COTL1: variants seen among roughly 807,000 people sequenced by gnomAD.
COTL1 encodes coactosin like F-actin binding protein 1.
COTL1 carries 15 observed loss-of-function variants against 16.5 expected under a neutral mutation model. The observed-to-expected ratio is 0.91, with a 90% CI of 0.61 to 1.40. The LOEUF (loss-of-function observed/expected upper bound fraction) is 1.40, where lower values mean the gene tolerates loss of function less well. Among genes scored for constraint, COTL1 ranks in the 40% most tolerant of loss-of-function variants. The pLI, the probability that COTL1 is intolerant of heterozygous loss-of-function variation, is 0.00. For synonymous variants in COTL1, 112 were observed against 85.3 expected (o/e 1.31, Z -1.73); for missense variants, 220 against 201.5 (o/e 1.09, Z -0.56).
At chr16:84,616,712 C>A (rs1271162559) in intron 2 of COTL1, among the ~76,000 whole-genome samples, 13 of 152,092 alleles carry the variant, frequency 8.5e-5, no homozygotes, top group Non-Finnish European at 1.9e-4. Flanking sequence ...GGGTTTATGG[C>A]GATGCCTGCC....
In COTL1 at chr16:84,590,335, T is replaced by A; in HGVS notation, c.161-73A>T. On this transcript the variant is annotated intron_variant, in intron 2 of 3. Coordinates refer to ENST00000262428, the MANE Select transcript of COTL1 (RefSeq NM_021149.5). This position sits in a 1 kb window ranked among gnomAD's most constrained non-coding sequence, Gnocchi z 5.5. ...CCATGTCATGTCCCTGGGGAGAGGC[T>A]GTGAGCCACGAGTGCGCCTGGAGCA... 18 of 1,557,384 alleles carry A rather than the reference T, an allele frequency of 1.2e-5. No homozygotes were observed. Among genetic ancestry groups the A allele is most frequent in the Non-Finnish European group, 1.6e-5 (18 of 1,144,306 alleles).
chr16:84,589,513 G>C (rs1005113064), intron 3 of COTL1, among the ~76,000 whole-genome samples: 1 of 152,156 alleles, frequency 6.6e-6, no homozygotes, highest in East Asian at 1.9e-4. Context: ...GCGAAATGGA[G>C]ATCCCTTTAG....
chr16:84,590,010 C>T lies in COTL1; in HGVS notation c.318+95G>A, dbSNP rs1349640455. 4.7e-6 allele frequency: 6 copies of T among 1,289,400 alleles called. No homozygotes were observed. The highest frequency in any genetic ancestry group is 6.5e-6 in the Non-Finnish European group (6 of 922,592). 79.9% of individuals were successfully genotyped at this position (1,289,400 alleles called of 1,614,324 possible). A position where few individuals can be genotyped will look rare whatever the true frequency, so the allele number is the denominator to read the frequency against. ...TGGCTTGTCCCAAGTCACAGCTAAG[C>T]TACAGACCCAGGAGTCGAACCCAGC... On this transcript the variant is annotated intron_variant, in intron 3 of 3. Transcript: ENST00000262428. This position sits in a 1 kb window ranked among gnomAD's most constrained non-coding sequence, Gnocchi z 5.5.
chr16:84,566,846 T>C lies in COTL1; in HGVS notation c.428A>G (p.Ter143=), dbSNP rs762307122. The C allele has an allele frequency of 1.9e-6, 3 of 1,605,584 alleles. No individual in the cohort carries two copies. Among genetic ancestry groups the C allele is most frequent in the Non-Finnish European group, 2.6e-6 (3 of 1,174,910 alleles). ...GGGGTGGTGTGGCGGGGGCTGGGGT[T>C]ACTCCGTCTGGGCGTCGTAATTGGC... The part of the protein sequence containing the change: ...GGANYDAQTE[*] Residue 143 remains the stop codon, a stop_retained_variant, in exon 4 of 4, where the codon TAA becomes TGA. Transcript: ENST00000262428.
chr16:84,604,154 T>TGATAC (rs1905161433), intron 2 of COTL1, among the ~76,000 whole-genome samples: 1 of 82,882 alleles, frequency 1.2e-5, no homozygotes, highest in Non-Finnish European at 2.4e-5. Context: ...CCTCACCCCA[T>TGATAC]GGCCCCCACC....
chr16:84,584,853 C>T (rs28670145), intron 3 of COTL1, among the ~76,000 whole-genome samples: 3,479 of 152,288 alleles, frequency 0.023, 146 homozygotes, highest in African/African-American at 0.08. Flanking sequence ...TTACTTTATA[C>T]ATCAGGTGAC....
Position 84,617,519 on chromosome 16 carries a change from A to C in COTL1, c.142T>G (p.Phe48Val). The C allele has an allele frequency of 6.4e-7, 1 of 1,555,186 alleles. No homozygotes were observed. The highest frequency in any genetic ancestry group is 8.7e-7 in the Non-Finnish European group (1 of 1,148,992). ...PGEQGAEYQHFIQQCTDDVRL... is the reference protein window; with the variant it reads ...PGEQGAEYQHVIQQCTDDVRL... ...TCCCTACCTGTGCACTGCTGGATGA[A>C]GTGCTGGTACTCCGCTCCCTGCTCG... is the stretch of plus-strand genomic sequence containing the variant. Residue 48 changes from phenylalanine (F) to valine (V), a missense_variant, in exon 2 of 4, where the codon TTC (phenylalanine) becomes GTC (valine). Phe to Val is a conservative substitution (Grantham distance 50). Coordinates refer to ENST00000262428, the MANE Select transcript of COTL1 (RefSeq NM_021149.5).
chr16:84,617,064 G>T (rs929814262), intron 2 of COTL1, among the ~76,000 whole-genome samples: 2 of 152,220 alleles, frequency 1.3e-5, no homozygotes, highest in Admixed American at 6.5e-5. Context: ...CAGCACACGG[G>T]CAGACAATGA....
At chr16:84,598,846 G>C (rs974979404) in intron 2 of COTL1, among the ~76,000 whole-genome samples, 2 of 147,008 alleles carry the variant, frequency 1.4e-5, no homozygotes, top group African/African-American at 5.0e-5. Flanking sequence ...AGCAGGGGGG[G>C]TCCAAGCGGG....
intron 3 of COTL1, among the ~76,000 whole-genome samples, chr16:84,586,751 C>CT (rs1486810415): frequency 1.3e-5 from 2 of 151,812 alleles, no homozygotes; most frequent in Non-Finnish European, 2.9e-5. Flanking sequence ...TGCCTGGCTA[C>CT]TTTTTTGGTA....
rs768019411 is a variant in COTL1 at position 84,617,886 on chromosome 16, C to G, written c.29G>C (p.Cys10Ser). Residue 10 changes from cysteine to serine, a missense_variant, in exon 1 of 4, where the codon TGC (cysteine) becomes TCC (serine). Transcript: ENST00000262428. The part of the protein sequence containing the change: MATKIDKEA[C>S]RAAYNLVRDD... ...GCGCACCAGGTTGTACGCCGCCCGG[C>G]AAGCCTCTTTGTCGATCTTGGTGGC... 6 of 1,569,136 alleles carry G rather than the reference C, an allele frequency of 3.8e-6. No homozygotes were observed. The highest frequency in any genetic ancestry group is 5.2e-6 in the Non-Finnish European group (6 of 1,158,292).
At chr16:84,617,801 G>A (rs1344699917) in intron 1 of COTL1, 37 bp downstream of exon 1, 1 of 1,544,170 alleles carries the variant, frequency 6.5e-7, no homozygotes, top group Non-Finnish European at 8.8e-7. Context: ...GCGCGAGCCC[G>A]GGGAGCGGGG....
At chr16:84,578,404 T>G (rs1175982735) in intron 3 of COTL1, among the ~76,000 whole-genome samples, 1 of 152,228 alleles carries the variant, frequency 6.6e-6, no homozygotes, top group African/African-American at 2.4e-5. Flanking sequence ...ACGTAACACT[T>G]CATATACGCC....
At position 84,566,794 on chromosome 16, in the gene COTL1, C is replaced by T. The variant is rs376446340; in HGVS notation, c.*51G>A. The stretch of plus-strand genomic sequence containing the variant: ...AGCTGAGGCCGGCGGTCCTCTCCCC[C>T]GGGGAGCAGGCAGATGACTTTGGCA... On this transcript the variant is annotated 3_prime_UTR_variant, in exon 4 of 4. Transcript: ENST00000262428. The T allele has an allele frequency of 3.7e-4, 488 of 1,326,082 alleles. 2 individuals carry two copies. The Middle Eastern group carries it at 5.2e-3, about 14-fold the overall frequency. The allele number at this position is 1,326,082 out of a possible 1,614,324, so 82.1% of individuals were successfully genotyped here.
chr16:84,578,808 C>T (rs994076374), intron 3 of COTL1, among the ~76,000 whole-genome samples: 5 of 151,724 alleles, frequency 3.3e-5, no homozygotes, highest in Non-Finnish European at 7.4e-5. Context: ...GGGATATGTC[C>T]ACACAAACGT....
chr16:84,612,415 T>C (rs1012353227), intron 2 of COTL1, among the ~76,000 whole-genome samples: 1 of 152,288 alleles, frequency 6.6e-6, no homozygotes, highest in African/African-American at 2.4e-5. Context: ...GCCTACTTTG[T>C]GCTGAGTGGG....
intron 3 of COTL1, chr16:84,567,921 A>T (rs966129501): frequency 6.6e-6 from 1 of 151,874 alleles, no homozygotes; most frequent in Admixed American, 6.6e-5. Flanking sequence ...AGCTATCAAA[A>T]CCACAAATAA....
At chr16:84,593,178 G>A (rs1904912249) in intron 2 of COTL1, among the ~76,000 whole-genome samples, 1 of 152,218 alleles carries the variant, frequency 6.6e-6, no homozygotes, top group African/African-American at 2.4e-5. Flanking sequence ...GGACACCTTG[G>A]GTGTGTGTGC....
Position 84,597,154 on chromosome 16 carries a change from C to T in COTL1, c.161-6892G>A, listed in dbSNP as rs78283382. Reference sequence around the variant, plus strand: ...CTCTGGGTTTCAGAGTGAGGCACTCCGAGGCACACAGTCACGGAGTCACTC... The same window carrying T: ...CTCTGGGTTTCAGAGTGAGGCACTCTGAGGCACACAGTCACGGAGTCACTC... On this transcript the variant is annotated intron_variant, in intron 2 of 3. Coordinates refer to ENST00000262428, the MANE Select transcript of COTL1 (RefSeq NM_021149.5). Among the ~76,000 whole-genome samples, 61 of 152,214 alleles carry T rather than the reference C, an allele frequency of 4.0e-4. 1 individual carries two copies. The South Asian group carries it at 0.012, about 30-fold the overall frequency.
Sources: gnomAD v4.1 joint callset for allele counts (sites outside exome capture counted in the v4.1 genomes callset) on GRCh38, gnomAD v4.1.1 for gene constraint, Gnocchi (gnomAD v3.1) non-coding constraint, MANE v1.5 for transcripts, NCBI Gene and HGNC (gene_info 2026-07-23, HGNC 2026-07-21) for gene names.